The following ANK1 variants were observed in gnomAD, a reference collection of about 807,000 sequenced individuals.
The protein encoded by ANK1 is ankyrin-1.
In ANK1, 51 loss-of-function variants were observed where a neutral mutation model predicts 210.4. The observed-to-expected ratio is 0.24, with a 90% CI of 0.19 to 0.31. The LOEUF is 0.31. Ranked by LOEUF, ANK1 falls within the 10% of genes least tolerant of loss-of-function variation. The pLI is 1.00. For synonymous variants in ANK1, 967 were observed against 1,025.9 expected, an observed-to-expected ratio of 0.94 and a Z score of 1.10; for missense variants, 2,051 against 2,504.4, an observed-to-expected ratio of 0.82 and a Z score of 3.86.
chr8:41,744,622 C>T lies in ANK1; in HGVS notation c.130-10553G>A, dbSNP rs561908833. Among the ~76,000 whole-genome samples, 334 of 151,466 alleles carry T rather than the reference C, an allele frequency of 2.2e-3. 1 individual carries two copies. The highest frequency in any genetic ancestry group is 7.8e-3 in the African/African-American group (320 of 41,236). On this transcript the variant is annotated intron_variant, in intron 2 of 42. Transcript: ENST00000289734. ...TGCAATCTCGGCTCACTGCAAGCTC[C>T]GCCTCCCGGGTTCACACCATTCTCC...
At chr8:41,718,511 CT>C (rs1391756549) in intron 10 of ANK1, among the ~76,000 whole-genome samples, 1 of 152,142 alleles carries the variant, frequency 6.6e-6, no homozygotes, top group African/African-American at 2.4e-5. Flanking sequence ...TTAAAGCCCC[CT>C]AAGGGTAAAT....
chr8:41,879,721 A>G (rs532287651), intron 1 of ANK1, among the ~76,000 whole-genome samples: 2 of 152,356 alleles, frequency 1.3e-5, no homozygotes, highest in East Asian at 3.9e-4. Flanking sequence ...CAACCAGCGC[A>G]GCCCGCTCAG....
chr8:41,869,450 C>G (rs903568687), intron 1 of ANK1, among the ~76,000 whole-genome samples: 1 of 152,136 alleles, frequency 6.6e-6, no homozygotes, highest in Non-Finnish European at 1.5e-5. Flanking sequence ...CGTGGTGGCT[C>G]TCGCCTGTTG....
intron 42 of ANK1, among the ~76,000 whole-genome samples, chr8:41,658,458 G>C (rs766991850): frequency 1.3e-5 from 2 of 152,218 alleles, no homozygotes; most frequent in Non-Finnish European, 2.9e-5. Flanking sequence ...CCCTTGAGGA[G>C]ACTGAAGCTT....
In ANK1 at chr8:41,834,477, C is replaced by T. The variant is rs117982244; in HGVS notation, c.126+61878G>A. ...GCTCATGCCGAAGACCTGCCTCGGCCGGTCAAACCCCATCCCTAAACCCAG... is the reference window on the plus strand; with the variant it reads ...GCTCATGCCGAAGACCTGCCTCGGCTGGTCAAACCCCATCCCTAAACCCAG... On this transcript the variant is annotated intron_variant, in intron 1 of 42. Coordinates refer to the ANK1 transcript ENST00000265709. 2.6e-4 allele frequency among the ~76,000 whole-genome samples: 40 copies of T among 152,314 alleles called. 1 individual carries two copies. The East Asian group carries it at 7.3e-3, about 28-fold the overall frequency.
chr8:41,725,833 C>T lies in ANK1; in HGVS notation c.540G>A (p.Ala180=), dbSNP rs756561165. Reference sequence around the variant, plus strand: ...CCGTGCGCGTGTCGTCGTTGCGGGCCGCGATGTGCAGGGCCGGGAGGCGCA... The same window carrying T: ...CCGTGCGCGTGTCGTCGTTGCGGGCTGCGATGTGCAGGGCCGGGAGGCGCA... ...GKVRLPALHI[A]ARNDDTRTAA... is the part of the protein sequence containing the mutation. The change falls in exon 6 of 43, where the codon GCG becomes GCA. Residue 180 remains alanine, a synonymous_variant. Coordinates refer to ENST00000289734, the MANE Select transcript of ANK1 (RefSeq NM_000037.4). 5.0e-6 allele frequency: 8 copies of T among 1,611,896 alleles called. No individual in the cohort carries two copies. Among genetic ancestry groups the T allele is most frequent in the Non-Finnish European group, 5.9e-6 (7 of 1,179,648 alleles).
At chr8:41,759,091 TA>T (rs1215534280) in intron 1 of ANK1, among the ~76,000 whole-genome samples, 2 of 152,098 alleles carry the variant, frequency 1.3e-5, no homozygotes, top group African/African-American at 2.4e-5. Flanking sequence ...ACATAGCACT[TA>T]CTATGTGCTA....
At chr8:41,820,483 C>G (rs1804071041) in intron 1 of ANK1, among the ~76,000 whole-genome samples, 1 of 151,958 alleles carries the variant, frequency 6.6e-6, no homozygotes, top group African/African-American at 2.4e-5. Flanking sequence ...GGAATAAGCC[C>G]CCACACCCAG....
At chr8:41,756,614 T>C (rs1563679600) in intron 2 of ANK1, among the ~76,000 whole-genome samples, 2 of 152,098 alleles carry the variant, frequency 1.3e-5, no homozygotes, top group African/African-American at 4.8e-5. Context: ...GGCTAATTTT[T>C]GTACTTTTAA....
intron 1 of ANK1, among the ~76,000 whole-genome samples, chr8:41,820,368 TGTGTG>T (rs1804046755): frequency 1.4e-5 from 1 of 71,840 alleles, no homozygotes; most frequent in East Asian, 2.7e-4. Flanking sequence ...TGTGTGTGTG[TGTGTG>T]TGTGTGTAGA....
At chr8:41,827,378 G>C (rs1230657437) in intron 1 of ANK1, among the ~76,000 whole-genome samples, 2 of 152,190 alleles carry the variant, frequency 1.3e-5, no homozygotes, top group Non-Finnish European at 2.9e-5. Context: ...ACCCACACAG[G>C]ACTGCGAGCG....
intron 1 of ANK1, among the ~76,000 whole-genome samples, chr8:41,865,113 G>A (rs1189267329): frequency 1.3e-5 from 2 of 152,198 alleles, no homozygotes; most frequent in Admixed American, 6.5e-5. Flanking sequence ...CTGAGCTGAG[G>A]CCTCCCTGGC....
At chr8:41,758,704 G>C (rs1012932675) in intron 1 of ANK1, among the ~76,000 whole-genome samples, 1 of 151,994 alleles carries the variant, frequency 6.6e-6, no homozygotes, top group African/African-American at 2.4e-5. Flanking sequence ...CAGCCTTTGA[G>C]GGGGAGCCCA....
exon 1 of ANK1, chr8:41,896,641 A>G: frequency 9.8e-7 from 1 of 1,018,446 alleles, no homozygotes; most frequent in East Asian, 3.8e-5. Context: ...GGGAAGGCGA[A>G]GGCAGTTCCG....
At chr8:41,802,821 G>T (rs145475104) in intron 1 of ANK1, among the ~76,000 whole-genome samples, 8 of 151,174 alleles carry the variant, frequency 5.3e-5, no homozygotes, top group Middle Eastern at 3.4e-3. Flanking sequence ...GAGGTGGGAG[G>T]ATCACCTGAG....
chr8:41,769,883 G>A (rs1363219219), intron 1 of ANK1, among the ~76,000 whole-genome samples: 1 of 151,536 alleles, frequency 6.6e-6, no homozygotes, highest in Non-Finnish European at 1.5e-5. Flanking sequence ...TGTAGAGAAG[G>A]GGTCTGTTGC....
In ANK1 at chr8:41,797,578, G is replaced by A. The variant is rs370353275; in HGVS notation, c.-40C>T. ...AGGGGCCCGCCGAAGGGCCTTGGGG[G>A]CTTGAGGAGGAGCAGCTGGGGCTGG... is the stretch of plus-strand genomic sequence containing the variant. On this transcript the variant is annotated 5_prime_UTR_variant, in exon 1 of 43. Transcript: ENST00000289734. This position sits in a 1 kb window ranked among gnomAD's most constrained non-coding sequence, Gnocchi z 4.0. 13 of 1,611,826 alleles carry A rather than the reference G, an allele frequency of 8.1e-6. No individual in the cohort carries two copies. In the Admixed American group the frequency reaches 8.3e-5, roughly 10 times the overall value.
At chr8:41,684,765 C>G in intron 36 of ANK1, 75 bp from the exon 37 acceptor site, 1 of 1,546,248 alleles carries the variant, frequency 6.5e-7, no homozygotes. Context: ...AAAATGGGGC[C>G]AGGATGAAGA....
chr8:41,661,900 G>A lies in ANK1; in HGVS notation c.5520C>T (p.Ala1840=), dbSNP rs116148295. 134 of 1,614,072 alleles carry A rather than the reference G, an allele frequency of 8.3e-5. No homozygotes were observed. The East Asian group carries it at 2.3e-3, about 28-fold the overall frequency. The change falls in exon 41 of 43, where the codon GCC becomes GCT. Residue 1840 remains alanine, a synonymous_variant. Coordinates refer to ENST00000289734, the MANE Select transcript of ANK1 (RefSeq NM_000037.4). ...KVVRQIDLSS[A]DAAQEHEEVE... is the part of the protein sequence containing the mutation. ...CCTCCTCGTGCTCCTGGGCGGCATC[G>A]GCGCTGGACAAGTCTATCTGTCGAA...
Sources: allele counts gnomAD v4.1 joint callset (sites outside exome capture counted in the v4.1 genomes callset), GRCh38; gene constraint gnomAD v4.1.1; non-coding constraint Gnocchi (gnomAD v3.1); transcripts MANE v1.5; gene names NCBI Gene and HGNC (gene_info 2026-07-23, HGNC 2026-07-21).